PXDNL: variants seen among roughly 807,000 people sequenced by gnomAD.
PXDNL encodes peroxidasin like, also known as probable oxidoreductase PXDNL.
Under a neutral mutation model 150.8 loss-of-function variants are expected in PXDNL, and 145 were observed. That is an observed-to-expected ratio of 0.96 (90% CI 0.84 to 1.10). PXDNL has a LOEUF of 1.10. Ranked by LOEUF, PXDNL falls within the 50% of genes least tolerant of loss-of-function variation. The probability of loss-of-function intolerance (pLI) is 0.00; values close to 1 mark genes in which losing one functional copy is unlikely to be tolerated. For synonymous variants in PXDNL, 757 were observed against 725.7 expected, an observed-to-expected ratio of 1.04 and a Z score of -0.69; for missense variants, 2,087 against 1,873.9, an observed-to-expected ratio of 1.11 and a Z score of -2.10.
chr8:51,643,566 G>A (rs1025171207), intron 2 of PXDNL, among the ~76,000 whole-genome samples: 2 of 152,160 alleles, frequency 1.3e-5, no homozygotes, highest in African/African-American at 4.8e-5. Context: ...AGACTTAAAT[G>A]TTAGACCTAA....
intron 2 of PXDNL, among the ~76,000 whole-genome samples, chr8:51,630,163 T>C (rs536137565): frequency 6.6e-6 from 1 of 151,382 alleles, no homozygotes; most frequent in South Asian, 2.1e-4. Context: ...TTAGACAAAA[T>C]TGACAAAAAC....
At chr8:51,425,423 T>C (rs1809064325) in intron 13 of PXDNL, among the ~76,000 whole-genome samples, 1 of 152,248 alleles carries the variant, frequency 6.6e-6, no homozygotes. Context: ...ATGATGCATG[T>C]CGTACAGTGT....
At chr8:51,788,646 C>T (rs548959496) in intron 1 of PXDNL, among the ~76,000 whole-genome samples, 7 of 152,304 alleles carry the variant, frequency 4.6e-5, no homozygotes, top group African/African-American at 1.7e-4. Context: ...AATCCTGCCC[C>T]ATAGGGAGTT....
chr8:51,473,305 A>ACACACACACACACACACACACACT (rs1810390898), intron 7 of PXDNL, among the ~76,000 whole-genome samples: 1 of 151,848 alleles, frequency 6.6e-6, no homozygotes, highest in East Asian at 1.9e-4. Context: ...ACACACACAC[A>ACACACACACACACACACACACACT]CACACAAATA....
chr8:51,722,916 C>T (rs1816757121), intron 1 of PXDNL, among the ~76,000 whole-genome samples: 1 of 151,832 alleles, frequency 6.6e-6, no homozygotes, highest in Admixed American at 6.6e-5. Flanking sequence ...GGGGCCTTTG[C>T]CAGGGAACTT....
chr8:51,674,802 A>T (rs182734450), intron 1 of PXDNL, among the ~76,000 whole-genome samples: 1 of 152,350 alleles, frequency 6.6e-6, no homozygotes, highest in East Asian at 1.9e-4. Context: ...TATTTTATAT[A>T]AAATGTAACT....
At position 51,409,374 on chromosome 8, in the gene PXDNL, CGCGAAGGCG is replaced by C; in HGVS notation, c.2241_2249del (p.Ala748_Ala750del). 1 of 1,578,014 alleles carries C rather than the reference CGCGAAGGCG, an allele frequency of 6.3e-7. No homozygotes were observed. The highest frequency in any genetic ancestry group is 8.6e-7 in the Non-Finnish European group (1 of 1,165,484). ...CCCGGTAGGCTGGCTGCAGCAGGCG[CGCGAAGGCG>C]GTCAGCGCCGCGCCCCACGTGGGCT... is the stretch of plus-strand genomic sequence containing the variant. On this transcript the variant is annotated inframe_deletion, in exon 17 of 23. Transcript: ENST00000356297.
chr8:51,622,610 A>C (rs1458980650), intron 2 of PXDNL, among the ~76,000 whole-genome samples: 1 of 152,214 alleles, frequency 6.6e-6, no homozygotes, highest in Non-Finnish European at 1.5e-5. Flanking sequence ...CTGCGTGATA[A>C]CATAATAGCC....
At chr8:51,586,388 T>C (rs1563474062) in intron 3 of PXDNL, among the ~76,000 whole-genome samples, 1 of 152,192 alleles carries the variant, frequency 6.6e-6, no homozygotes, top group South Asian at 2.1e-4. Flanking sequence ...CATTAGTCCA[T>C]GGAACAATCA....
chr8:51,626,758 CA>C (rs1814368480), intron 2 of PXDNL, among the ~76,000 whole-genome samples: 1 of 152,110 alleles, frequency 6.6e-6, no homozygotes, highest in African/African-American at 2.4e-5. Flanking sequence ...TTTAAATACC[CA>C]AATCAGTAAA....
intron 21 of PXDNL, chr8:51,321,125 A>G (rs1805301247): frequency 2.3e-6 from 1 of 431,564 alleles, no homozygotes; most frequent in Non-Finnish European, 4.1e-6. Context: ...AATATTGAAC[A>G]TGGACCTAGA....
intron 9 of PXDNL, among the ~76,000 whole-genome samples, chr8:51,454,333 G>C (rs778147135): frequency 6.6e-6 from 1 of 152,174 alleles, no homozygotes; most frequent in East Asian, 1.9e-4. Flanking sequence ...GCTCACTATA[G>C]GTAATGTGGC....
At chr8:51,448,297 A>T (rs1405654192) in intron 11 of PXDNL, among the ~76,000 whole-genome samples, 1 of 152,160 alleles carries the variant, frequency 6.6e-6, no homozygotes, top group Non-Finnish European at 1.5e-5. Context: ...CCCACCACCC[A>T]CACTTCAGGA....
chr8:51,646,774 T>C lies in PXDNL; in HGVS notation c.236+7915A>G, dbSNP rs77687349. Among the ~76,000 whole-genome samples, 14 of 152,324 alleles carry C rather than the reference T, an allele frequency of 9.2e-5. No individual in the cohort carries two copies. The East Asian group carries it at 2.5e-3, about 27-fold the overall frequency. ...TTACAGAAATTATTAAATGTCAGTA[T>C]GTTTGTGTGAAAAGTACAAAAGAAA... is the stretch of plus-strand genomic sequence containing the variant. On this transcript the variant is annotated intron_variant, in intron 2 of 22. Transcript: ENST00000356297.
intron 3 of PXDNL, among the ~76,000 whole-genome samples, chr8:51,578,512 A>C (rs1463850865): frequency 2.0e-5 from 3 of 151,970 alleles, no homozygotes; most frequent in African/African-American, 7.2e-5. Flanking sequence ...CTTGTTCATG[A>C]ATTTAAAGTT....
intron 1 of PXDNL, among the ~76,000 whole-genome samples, chr8:51,697,283 G>A (rs571876294): frequency 1.4e-5 from 2 of 143,360 alleles, no homozygotes; most frequent in Non-Finnish European, 1.5e-5. Context: ...CAGCCTGGGC[G>A]ACAGAGCAAG....
chr8:51,321,066 T>C (rs1361239441), intron 21 of PXDNL, 169 bp from the exon 22 acceptor site: 5 of 581,490 alleles, frequency 8.6e-6, no homozygotes, highest in African/African-American at 1.9e-5. Flanking sequence ...CTTAATGAGC[T>C]TGAATCATCC....
intron 2 of PXDNL, among the ~76,000 whole-genome samples, chr8:51,649,531 A>G (rs1450940698): frequency 2.6e-5 from 4 of 152,206 alleles, no homozygotes; most frequent in Admixed American, 2.0e-4. Flanking sequence ...AATTTACTCA[A>G]GGTCACATAT....
intron 5 of PXDNL, among the ~76,000 whole-genome samples, chr8:51,497,605 C>G (rs1343025641): frequency 1.3e-5 from 2 of 152,134 alleles, no homozygotes; most frequent in African/African-American, 2.4e-5. Context: ...ACAACCCCAT[C>G]AAAAAGTGGG....
Sources: allele counts gnomAD v4.1 joint callset (sites outside exome capture counted in the v4.1 genomes callset), GRCh38; gene constraint gnomAD v4.1.1; transcripts MANE v1.5; gene names NCBI Gene and HGNC (gene_info 2026-07-23, HGNC 2026-07-21).